RGS6: variants seen among roughly 807,000 people sequenced by gnomAD.
RGS6 encodes the protein regulator of G protein signaling 6.
RGS6 carries 30 observed loss-of-function variants against 78.5 expected under a neutral mutation model. The ratio of observed to expected loss-of-function variants is 0.38; its 90% CI spans 0.29 to 0.52. The LOEUF is 0.52. Among genes scored for constraint, RGS6 ranks in the 20% least tolerant of loss-of-function variants. The pLI is 0.85. For synonymous variants in RGS6, 206 were observed against 206.0 expected (o/e 1.00, Z 0.00); for missense variants, 495 against 609.7 (o/e 0.81, Z 1.98).
chr14:72,381,986 A>G (rs1194666151), intron 3 of RGS6, among the ~76,000 whole-genome samples: 6 of 152,042 alleles, frequency 3.9e-5, no homozygotes, highest in African/African-American at 1.2e-4. Context: ...CTTAAAATAA[A>G]TGTTGCTGGG....
chr14:72,476,318 A>G (rs1010893628), intron 10 of RGS6, among the ~76,000 whole-genome samples: 1 of 152,202 alleles, frequency 6.6e-6, no homozygotes, highest in Non-Finnish European at 1.5e-5. Context: ...GTGGCTCTTG[A>G]ACTTTCTTTA....
At chr14:72,597,578 A>G in the RGS6 span, among the ~76,000 whole-genome samples, 1 of 152,250 alleles carries the variant, frequency 6.6e-6, no homozygotes, top group Non-Finnish European at 1.5e-5. Flanking sequence ...ATTTGGAATC[A>G]GGCTCCTGAC....
At chr14:72,151,014 G>T (rs1228399899) in intron 2 of RGS6, among the ~76,000 whole-genome samples, 1 of 152,208 alleles carries the variant, frequency 6.6e-6, no homozygotes, top group Non-Finnish European at 1.5e-5. Context: ...GGAATGGTGA[G>T]ACACATATTA....
intron 3 of RGS6, among the ~76,000 whole-genome samples, chr14:72,394,246 C>T (rs970411545): frequency 2.6e-5 from 4 of 152,040 alleles, no homozygotes; most frequent in Admixed American, 1.3e-4. Flanking sequence ...TTCTGTGATG[C>T]CCCCTAAGCC....
At chr14:72,180,437 C>A (rs1325874566) in intron 2 of RGS6, among the ~76,000 whole-genome samples, 1 of 152,212 alleles carries the variant, frequency 6.6e-6, no homozygotes. Context: ...CAGATGAAGG[C>A]AACTTCGATC....
At chr14:72,394,296 G>A (rs2090665706) in intron 3 of RGS6, among the ~76,000 whole-genome samples, 1 of 152,102 alleles carries the variant, frequency 6.6e-6, no homozygotes, top group Non-Finnish European at 1.5e-5. Context: ...TTCAAAAGGG[G>A]AGGGAGTGTA....
At chr14:72,251,256 G>T (rs2055691050) in intron 2 of RGS6, among the ~76,000 whole-genome samples, 1 of 152,320 alleles carries the variant, frequency 6.6e-6, no homozygotes, top group Admixed American at 6.5e-5. Flanking sequence ...CAGAAGGGTA[G>T]ATGAAAAGTT....
At chr14:71,976,217 T>C (rs1187556231) in intron 2 of RGS6, among the ~76,000 whole-genome samples, 1 of 151,092 alleles carries the variant, frequency 6.6e-6, no homozygotes, top group South Asian at 2.1e-4. Context: ...TTCTTTCTTT[T>C]TTTTCTTTTT....
intron 4 of RGS6, among the ~76,000 whole-genome samples, chr14:72,457,646 T>G (rs1470910856): frequency 6.6e-6 from 1 of 152,210 alleles, no homozygotes; most frequent in Non-Finnish European, 1.5e-5. Flanking sequence ...AGGAACAGAT[T>G]GACTGTGGCA....
At chr14:72,190,398 ATG>A (rs145096882) in intron 2 of RGS6, among the ~76,000 whole-genome samples, 8 of 152,002 alleles carry the variant, frequency 5.3e-5, no homozygotes, top group East Asian at 1.9e-4. Flanking sequence ...ACATTGTGGA[ATG>A]TGTGTGTGTG....
chr14:72,073,727 T>G (rs1032049597), intron 2 of RGS6, among the ~76,000 whole-genome samples: 1 of 152,190 alleles, frequency 6.6e-6, no homozygotes, highest in Non-Finnish European at 1.5e-5. Context: ...GGAATAAATT[T>G]TTTTTTCTCA....
chr14:72,012,663 G>A (rs919586040), intron 2 of RGS6, among the ~76,000 whole-genome samples: 3 of 152,276 alleles, frequency 2.0e-5, no homozygotes, highest in Non-Finnish European at 2.9e-5. Flanking sequence ...TTTCATAGGT[G>A]AGGTTTTACC....
the RGS6 span, among the ~76,000 whole-genome samples, chr14:71,915,172 C>T: frequency 2.0e-5 from 3 of 151,532 alleles, no homozygotes; most frequent in African/African-American, 4.9e-5. Context: ...GCAGGAGAAT[C>T]GCTTGAACCG....
chr14:72,071,099 A>G (rs1250052997), intron 2 of RGS6, among the ~76,000 whole-genome samples: 5 of 152,106 alleles, frequency 3.3e-5, no homozygotes, highest in African/African-American at 1.2e-4. Flanking sequence ...CCACCTATGT[A>G]TGTATCAATA....
the RGS6 span, among the ~76,000 whole-genome samples, chr14:72,596,794 A>G: frequency 6.6e-6 from 1 of 152,166 alleles, no homozygotes; most frequent in Non-Finnish European, 1.5e-5. Context: ...AGAAGTTATT[A>G]TTTTACAGAG....
At chr14:72,263,354 A>C (rs1328249887) in intron 2 of RGS6, among the ~76,000 whole-genome samples, 4 of 152,148 alleles carry the variant, frequency 2.6e-5, no homozygotes, top group Non-Finnish European at 5.9e-5. Context: ...GTTTCTCTGC[A>C]GACTCTCCGG....
intron 3 of RGS6, among the ~76,000 whole-genome samples, chr14:72,432,414 C>G (rs1424144022): frequency 6.6e-6 from 1 of 152,148 alleles, no homozygotes; most frequent in Non-Finnish European, 1.5e-5. Context: ...GTCTCACCTT[C>G]CAGGAGTAAA....
chr14:72,619,877 C>A, the RGS6 span: 14 of 1,521,270 alleles, frequency 9.2e-6, no homozygotes. Flanking sequence ...TGTTGCTGTT[C>A]TTATTGTTGA....
intron 2 of RGS6, among the ~76,000 whole-genome samples, chr14:72,263,002 C>G (rs2058434160): frequency 6.6e-6 from 1 of 152,066 alleles, no homozygotes; most frequent in African/African-American, 2.4e-5. Context: ...GAAACTGTCT[C>G]CCAAGAGTCA....
Sources: gnomAD v4.1 joint callset for allele counts (sites outside exome capture counted in the v4.1 genomes callset) on GRCh38, gnomAD v4.1.1 for gene constraint, MANE v1.5 for transcripts, NCBI Gene and HGNC (gene_info 2026-07-23, HGNC 2026-07-21) for gene names.